The following NHLH2 variants were observed in gnomAD, a reference collection of about 807,000 sequenced individuals.
The protein encoded by NHLH2 is helix-loop-helix protein 2.
A neutral mutation model predicts 7.3 loss-of-function variants in NHLH2; 7 were observed. The observed-to-expected ratio is 0.96, with a 90% confidence interval of 0.55 to 1.81. The LOEUF is 1.81. NHLH2 is among the 40% of genes most tolerant of loss of function. The pLI is 0.00. For missense variants in NHLH2, 155 were observed against 194.0 expected (o/e 0.80, Z 1.19); for synonymous variants, 93 against 91.6 (o/e 1.01, Z -0.09).
Position 115,837,561 on chromosome 1 carries a change from G to A in NHLH2, c.*404C>T, listed in dbSNP as rs768993864. 5.2e-6 allele frequency: 1 copy of A among 191,236 alleles called. No homozygotes were observed. The highest frequency in any genetic ancestry group is 2.4e-5 in the African/African-American group (1 of 41,942). The allele number at this position is 191,236 out of a possible 1,614,324, so 11.8% of individuals were successfully genotyped here. A position where few individuals can be genotyped will look rare whatever the true frequency, so the allele number is the denominator to read the frequency against. On this transcript the variant is annotated 3_prime_UTR_variant, in exon 3 of 3. Coordinates refer to ENST00000320238, the MANE Select transcript of NHLH2 (RefSeq NM_005599.3). ...AAAATTCCAGATAGCCTAAAGTTAT[G>A]AGCCTGCATACTCTGAACTTCTGCC...
rs930817118 is a variant in NHLH2, at chr1:115,838,136, G to A, written c.237C>T (p.Arg79=). The change falls in exon 3 of 3, where the codon CGC becomes CGT. Residue 79 remains arginine, a synonymous_variant. Coordinates refer to ENST00000320238, the MANE Select transcript of NHLH2 (RefSeq NM_005599.3). Reference sequence around the variant, plus strand: ...TGCGCTCGCGGGTGGCGTGGGCCGAGCGGTACTTGGCCGTGGCGCGCCGGC... The same window carrying A: ...TGCGCTCGCGGGTGGCGTGGGCCGAACGGTACTTGGCCGTGGCGCGCCGGC... ...RRRRRATAKY[R]SAHATRERIR... is the part of the protein sequence containing the mutation. 7.5e-6 allele frequency: 12 copies of A among 1,593,046 alleles called. No individual in the cohort carries two copies. The highest frequency in any genetic ancestry group is 1.0e-5 in the Non-Finnish European group (12 of 1,171,694).
At chr1:115,831,979 T>C (rs1280665921), downstream of NHLH2, among the ~76,000 whole-genome samples, 1 of 151,938 alleles carries the variant, frequency 6.6e-6, no homozygotes, top group East Asian at 1.9e-4. Context: ...CAATTGCTCG[T>C]ACACACACAT....
chr1:115,834,505 A>T (rs1650820550), downstream of NHLH2, among the ~76,000 whole-genome samples: 1 of 152,216 alleles, frequency 6.6e-6, no homozygotes, highest in Non-Finnish European at 1.5e-5. Context: ...ATGAGCACTC[A>T]GAACATTTTA....
downstream of NHLH2, among the ~76,000 whole-genome samples, chr1:115,835,767 G>A (rs1294120104): frequency 1.3e-5 from 2 of 152,156 alleles, no homozygotes; most frequent in African/African-American, 4.8e-5. Flanking sequence ...CTATTTGTAA[G>A]CAATACATTT....
Position 115,836,950 on chromosome 1 carries a change from A to C in NHLH2, c.*1015T>G, listed in dbSNP as rs899081630. ...AGTGGGAAATTTGTTATACAAGTGC[A>C]ATATAATTAGAGCAGAAAGAAAGAC... On this transcript the variant is annotated 3_prime_UTR_variant, in exon 3 of 3. Coordinates refer to ENST00000320238, the MANE Select transcript of NHLH2 (RefSeq NM_005599.3). 1 of 152,376 alleles carries C rather than the reference A, an allele frequency of 6.6e-6. No homozygotes were observed. Among genetic ancestry groups the C allele is most frequent in the African/African-American group, 2.4e-5 (1 of 41,464 alleles). 9.4% of individuals were successfully genotyped at this position (152,376 alleles called of 1,614,324 possible).
downstream of NHLH2, among the ~76,000 whole-genome samples, chr1:115,831,736 C>T (rs991493077): frequency 1.3e-5 from 2 of 151,966 alleles, no homozygotes; most frequent in African/African-American, 2.4e-5. Flanking sequence ...GCCTGGCCAA[C>T]ATGGTGAAAC....
downstream of NHLH2, among the ~76,000 whole-genome samples, chr1:115,833,380 T>C (rs1019530039): frequency 4.6e-5 from 7 of 152,168 alleles, no homozygotes; most frequent in Admixed American, 4.6e-4. Flanking sequence ...GTCCCATTGG[T>C]TGGGCAGCTG....
chr1:115,838,532 C>T, intron 2 of NHLH2, 152 bp from the exon 3 acceptor site: 1 of 829,290 alleles, frequency 1.2e-6, no homozygotes, highest in East Asian at 3.0e-5. Context: ...GGGAGGGCGC[C>T]GATAGGATCT....
rs1382353053 is a variant in NHLH2 at position 115,838,278 on chromosome 1, A to G, written c.95T>C (p.Leu32Pro). 8 of 1,605,448 alleles carry G rather than the reference A, an allele frequency of 5.0e-6. No homozygotes were observed. The highest frequency in any genetic ancestry group is 6.8e-6 in the Non-Finnish European group (8 of 1,177,846). ...ESLGGTDTKV[L>P]GSVSDLEPVE... ...CGGCTCCAGGTCCGACACGCTGCCGAGCACCTTGGTGTCCGTGCCGCCCAG... is the reference window on the plus strand; with the variant it reads ...CGGCTCCAGGTCCGACACGCTGCCGGGCACCTTGGTGTCCGTGCCGCCCAG... Residue 32 changes from leucine (L) to proline (P), a missense_variant, in exon 3 of 3, where the codon CTC becomes CCC. Leu to Pro is a moderately conservative substitution (Grantham distance 98, BLOSUM62 -3). Transcript: ENST00000320238.
chr1:115,831,693 G>A (rs962172424), downstream of NHLH2, among the ~76,000 whole-genome samples: 3 of 151,906 alleles, frequency 2.0e-5, no homozygotes, highest in Admixed American at 6.6e-5. Context: ...CCTAGGGGGG[G>A]GCGGATCACC....
At chr1:115,832,658 C>T (rs1411910160), downstream of NHLH2, among the ~76,000 whole-genome samples, 1 of 152,144 alleles carries the variant, frequency 6.6e-6, no homozygotes, top group Non-Finnish European at 1.5e-5. Context: ...AGCCAGGGCC[C>T]GAACTTGGCT....
rs1219261284 is a variant in NHLH2 at position 115,837,235 on chromosome 1, G to A, written c.*730C>T. ...TTTTGGATATATAAAGGGGCACTTC[G>A]CCTGCAAAAGTAATCAGATATTAAA... is the stretch of plus-strand genomic sequence containing the variant. On this transcript the variant is annotated 3_prime_UTR_variant, in exon 3 of 3. Coordinates refer to ENST00000320238, the MANE Select transcript of NHLH2 (RefSeq NM_005599.3). 1 of 152,532 alleles carries A rather than the reference G, an allele frequency of 6.6e-6. No individual in the cohort carries two copies. Among genetic ancestry groups the A allele is most frequent in the African/African-American group, 2.4e-5 (1 of 41,416 alleles). 9.4% of individuals were successfully genotyped at this position (152,532 alleles called of 1,614,324 possible). A position where few individuals can be genotyped will look rare whatever the true frequency, so the allele number is the denominator to read the frequency against.
chr1:115,838,569 C>A (rs1650955371), intron 2 of NHLH2, 189 bp from the exon 3 acceptor site: 2 of 535,936 alleles, frequency 3.7e-6, no homozygotes, highest in Admixed American at 4.4e-5. Context: ...CCCTGCGCCT[C>A]GCCCTGGCGC....
chr1:115,835,871 C>A (rs533607673), downstream of NHLH2, among the ~76,000 whole-genome samples: 35 of 152,058 alleles, frequency 2.3e-4, 2 homozygotes, highest in South Asian at 7.3e-3. Context: ...TTTGCGGATG[C>A]CCTGTCTTGA....
chr1:115,833,736 A>G (rs888373216), downstream of NHLH2, among the ~76,000 whole-genome samples: 14 of 152,250 alleles, frequency 9.2e-5, no homozygotes, highest in African/African-American at 3.1e-4. Flanking sequence ...TATACACTCA[A>G]CCCACATTAG....
At chr1:115,832,282 C>G (rs944266665), downstream of NHLH2, among the ~76,000 whole-genome samples, 5 of 152,148 alleles carry the variant, frequency 3.3e-5, no homozygotes, top group African/African-American at 1.2e-4. Flanking sequence ...ATTAATTTAC[C>G]TATGCTTCCT....
intron 1 of NHLH2, 149 bp downstream of exon 1, chr1:115,840,799 A>G (rs964060471): frequency 6.3e-6 from 1 of 158,992 alleles, no homozygotes; most frequent in African/African-American, 2.5e-5. Flanking sequence ...CCCAGTTCCC[A>G]GGAACACAAT....
downstream of NHLH2, among the ~76,000 whole-genome samples, chr1:115,835,541 G>C (rs945665765): frequency 6.6e-6 from 1 of 152,264 alleles, no homozygotes; most frequent in Non-Finnish European, 1.5e-5. Flanking sequence ...GAGAGGATGA[G>C]GTCCTACCTA....
chr1:115,840,083 A>G (rs992913556), intron 2 of NHLH2, 133 bp downstream of exon 2: 1 of 166,936 alleles, frequency 6.0e-6, no homozygotes, highest in Admixed American at 6.5e-5. Context: ...TCTCCTCTAG[A>G]TCTTTAAAAA....
Sources: gnomAD v4.1 joint callset for allele counts (sites outside exome capture counted in the v4.1 genomes callset) on GRCh38, gnomAD v4.1.1 for gene constraint, MANE v1.5 for transcripts, NCBI Gene and HGNC (gene_info 2026-07-23, HGNC 2026-07-21) for gene names.